NT5C1A: variants seen among roughly 807,000 people sequenced by gnomAD.
NT5C1A encodes 5'-nucleotidase, cytosolic IA.
NT5C1A carries 18 observed loss-of-function variants against 31.0 expected under a neutral mutation model. The observed-to-expected ratio is 0.58, with a 90% CI of 0.40 to 0.86. NT5C1A has a LOEUF of 0.86. Among genes scored for constraint, NT5C1A ranks in the 40% least tolerant of loss-of-function variants. The pLI, the probability that NT5C1A is intolerant of heterozygous loss-of-function variation, is 0.00. For synonymous variants in NT5C1A, 185 were observed against 203.6 expected (o/e 0.91, Z 0.78); for missense variants, 470 against 505.4 (o/e 0.93, Z 0.67).
At chr1:39,665,760 A>G (rs964221854) in intron 2 of NT5C1A, 110 bp from the exon 3 acceptor site, 1 of 1,103,932 alleles carries the variant, frequency 9.1e-7, no homozygotes, top group Non-Finnish European at 1.3e-6. Flanking sequence ...GGATGAGATA[A>G]GTGCACATGA....
At chr1:39,663,708 CAT>C (rs1211627439) in intron 3 of NT5C1A, among the ~76,000 whole-genome samples, 1 of 5,980 alleles carries the variant, frequency 1.7e-4, no homozygotes, top group Non-Finnish European at 2.8e-4. Flanking sequence ...GCCTCCTGGC[CAT>C]AGCTGCCATA....
chr1:39,671,401 C>G (rs557254926), intron 1 of NT5C1A, among the ~76,000 whole-genome samples: 1 of 152,322 alleles, frequency 6.6e-6, no homozygotes, highest in East Asian at 1.9e-4. Context: ...GCTCCCTTTC[C>G]TTAGGACGCG....
chr1:39,664,153 CTTTCTTTTT>C (rs1271833148), intron 3 of NT5C1A, among the ~76,000 whole-genome samples: 1 of 151,860 alleles, frequency 6.6e-6, no homozygotes, highest in Non-Finnish European at 1.5e-5. Context: ...CTTTTTCTTT[CTTTCTTTTT>C]TTTCGTTTTG....
rs1313877289 is a variant in NT5C1A, at chr1:39,659,264, G to A, written c.964C>T (p.Arg322Cys). The A allele has an allele frequency of 6.2e-6, 10 of 1,614,144 alleles. No homozygotes were observed. The highest frequency in any genetic ancestry group is 2.2e-5 in the East Asian group (1 of 44,888). ...APKGPLLEKI[R>C]PHIFFDDQMF... is the part of the protein sequence containing the mutation. The stretch of plus-strand genomic sequence containing the variant: ...TGGTCATCAAAGAAGATGTGTGGGC[G>A]GATCTTCTCAAGGAGAGGGCCCTTG... Residue 322 changes from arginine (R) to cysteine (C), a missense_variant, in exon 6 of 6, where the codon CGC becomes TGC. Transcript: ENST00000235628.
chr1:39,658,832 T>C lies in NT5C1A; in HGVS notation c.*289A>G, dbSNP rs1646475458. On this transcript the variant is annotated 3_prime_UTR_variant, in exon 6 of 6. Coordinates refer to ENST00000235628, the MANE Select transcript of NT5C1A (RefSeq NM_032526.3). ...TAAGTCACTATTGAGAAATCCTGGCTTCTCTGACCCTCCCCCTCTCAGACC... is the reference window on the plus strand; with the variant it reads ...TAAGTCACTATTGAGAAATCCTGGCCTCTCTGACCCTCCCCCTCTCAGACC... Among the ~76,000 whole-genome samples the C allele has an allele frequency of 6.6e-6, 1 of 152,194 alleles. No homozygotes were observed. Among genetic ancestry groups the C allele is most frequent in the Admixed American group, 6.5e-5 (1 of 15,278 alleles).
At chr1:39,668,749 C>A (rs1264108473) in intron 1 of NT5C1A, among the ~76,000 whole-genome samples, 2 of 152,334 alleles carry the variant, frequency 1.3e-5, no homozygotes, top group East Asian at 3.9e-4. Context: ...CAGGGCGTGC[C>A]CACAAACTGA....
intron 3 of NT5C1A, among the ~76,000 whole-genome samples, chr1:39,664,033 T>C (rs1167667293): frequency 1.3e-5 from 2 of 152,128 alleles, no homozygotes; most frequent in African/African-American, 4.8e-5. Context: ...TTAAATATTT[T>C]TACGATCAAC....
chr1:39,666,712 A>G (rs944437895), intron 1 of NT5C1A, among the ~76,000 whole-genome samples: 5 of 151,994 alleles, frequency 3.3e-5, no homozygotes, highest in Non-Finnish European at 7.4e-5. Flanking sequence ...CATCCATCTA[A>G]CTGCCCCAGT....
intron 4 of NT5C1A, among the ~76,000 whole-genome samples, chr1:39,661,854 G>A (rs890432179): frequency 2.6e-5 from 4 of 152,160 alleles, no homozygotes; most frequent in East Asian, 3.9e-4. Context: ...GGCTGCAATC[G>A]GGTGAGGTGA....
rs1344255038 is a variant in NT5C1A at position 39,655,825 on chromosome 1, A to G, written c.*3296T>C. On this transcript the variant is annotated 3_prime_UTR_variant, in exon 6 of 6. Transcript: ENST00000235628. ...CAGCTGAGGCCACGAGGAGACATTCAGGGGACTCAGCGCAGCATTATCTAC... is the reference window on the plus strand; with the variant it reads ...CAGCTGAGGCCACGAGGAGACATTCGGGGGACTCAGCGCAGCATTATCTAC... 2.6e-5 allele frequency among the ~76,000 whole-genome samples: 4 copies of G among 152,154 alleles called. No homozygotes were observed. The highest frequency in any genetic ancestry group is 9.7e-5 in the African/African-American group (4 of 41,448).
Position 39,652,908 on chromosome 1 carries a change from G to A in NT5C1A, c.*6213C>T, listed in dbSNP as rs1646439478. ...TAGGTTGGGCAGGGCTGGTAGTGGGGAGGGAAGGCAACTTTCGTAGCCATG... is the reference window on the plus strand; with the variant it reads ...TAGGTTGGGCAGGGCTGGTAGTGGGAAGGGAAGGCAACTTTCGTAGCCATG... On this transcript the variant is annotated 3_prime_UTR_variant, in exon 6 of 6. Transcript: ENST00000235628. 6.6e-6 allele frequency among the ~76,000 whole-genome samples: 1 copy of A among 152,022 alleles called. No individual in the cohort carries two copies. The highest frequency in any genetic ancestry group is 1.5e-5 in the Non-Finnish European group (1 of 68,030).
chr1:39,653,159 C>T lies in NT5C1A; in HGVS notation c.*5962G>A, dbSNP rs1646441821. On this transcript the variant is annotated 3_prime_UTR_variant, in exon 6 of 6. Transcript: ENST00000235628. ...TGCCCTTACACAGATTCTACCACTT[C>T]CTTCCCAAGGCTCAGGAGTAGGGGT... Among the ~76,000 whole-genome samples the T allele has an allele frequency of 5.3e-5, 8 of 151,888 alleles. No homozygotes were observed. The highest frequency in any genetic ancestry group is 5.3e-4 in the Admixed American group (8 of 15,224).
rs201267553 is a variant in NT5C1A, at chr1:39,672,087, G to A, written c.-49C>T. ...CCAGAGCAGGCGGCGGCGTAGACGC[G>A]GAGGTGGCTGGGGCTGGGCTGCAGG... On this transcript the variant is annotated 5_prime_UTR_variant, in exon 1 of 6. Transcript: ENST00000235628. 16 of 1,421,320 alleles carry A rather than the reference G, an allele frequency of 1.1e-5. No individual in the cohort carries two copies. The highest frequency in any genetic ancestry group is 1.4e-5 in the Non-Finnish European group (15 of 1,068,554). 88.0% of individuals were successfully genotyped at this position (1,421,320 alleles called of 1,614,324 possible).
rs1390023780 is a variant in NT5C1A, at chr1:39,655,614, C to A, written c.*3507G>T. On this transcript the variant is annotated 3_prime_UTR_variant, in exon 6 of 6. Transcript: ENST00000235628. ...TGGTTGAAAACCTGGGTCCTAGAAT[C>A]AGATGGACATGAGTTTGAGTCCCAG... 2.0e-5 allele frequency among the ~76,000 whole-genome samples: 3 copies of A among 152,134 alleles called. No individual in the cohort carries two copies. Among genetic ancestry groups the A allele is most frequent in the Admixed American group, 2.0e-4 (3 of 15,272 alleles).
intron 3 of NT5C1A, 28 bp downstream of exon 3, chr1:39,665,493 A>T: frequency 6.3e-7 from 1 of 1,593,496 alleles, no homozygotes; most frequent in Non-Finnish European, 8.5e-7. Context: ...TCCCAGGGCA[A>T]ACCCCCCATC....
At position 39,653,316 on chromosome 1, in the gene NT5C1A, A is replaced by G. The variant is rs754413280; in HGVS notation, c.*5805T>C. 5.3e-5 allele frequency among the ~76,000 whole-genome samples: 8 copies of G among 152,098 alleles called. No individual in the cohort carries two copies. The highest frequency in any genetic ancestry group is 1.0e-4 in the Non-Finnish European group (7 of 68,020). On this transcript the variant is annotated 3_prime_UTR_variant, in exon 6 of 6. Coordinates refer to ENST00000235628, the MANE Select transcript of NT5C1A (RefSeq NM_032526.3). The stretch of plus-strand genomic sequence containing the variant: ...GGGTACAACTATCCTAGGGCTGGCC[A>G]TCAGTATGTGGGTCCCAGGACACTC...
intron 5 of NT5C1A, among the ~76,000 whole-genome samples, chr1:39,660,313 A>T (rs981698206): frequency 6.6e-6 from 1 of 152,150 alleles, no homozygotes; most frequent in African/African-American, 2.4e-5. Context: ...GAGATTATTG[A>T]GCTCCCGGGT....
chr1:39,670,381 G>A (rs923401445), intron 1 of NT5C1A, among the ~76,000 whole-genome samples: 1 of 152,168 alleles, frequency 6.6e-6, no homozygotes, highest in African/African-American at 2.4e-5. Context: ...AGATCACAGG[G>A]GAAGCCTTAT....
In NT5C1A at chr1:39,666,166, T is replaced by G. The variant is rs779773600; in HGVS notation, c.206A>C (p.Gln69Pro). ...RALFRMDEEQ[Q>P]IYTEQGVEEY... ...CTCCACGCCCTGCTCCGTGTAGATC[T>G]GCTGCTCCTCGTCCATGCGAAACAA... Residue 69 changes from glutamine (Q) to proline (P), a missense_variant, in exon 2 of 6, where the codon CAG becomes CCG. Coordinates refer to ENST00000235628, the MANE Select transcript of NT5C1A (RefSeq NM_032526.3). 1 of 1,602,648 alleles carries G rather than the reference T, an allele frequency of 6.2e-7. No individual in the cohort carries two copies. Among genetic ancestry groups the G allele is most frequent in the Admixed American group, 1.7e-5 (1 of 58,832 alleles).
Sources: gnomAD v4.1 joint callset for allele counts (sites outside exome capture counted in the v4.1 genomes callset) on GRCh38, gnomAD v4.1.1 for gene constraint, MANE v1.5 for transcripts, NCBI Gene and HGNC (gene_info 2026-07-23, HGNC 2026-07-21) for gene names.